TVP23C: variants seen among roughly 807,000 people sequenced by gnomAD.
TVP23C encodes trans-golgi network vesicle protein 23 homolog C.
A neutral mutation model predicts 28.7 loss-of-function variants in TVP23C; 19 were observed. The ratio of observed to expected loss-of-function variants is 0.66; its 90% CI spans 0.46 to 0.97. The LOEUF is 0.97. TVP23C is among the 50% of genes least tolerant of loss of function. The pLI is 0.00. For synonymous variants in TVP23C, 68 were observed against 81.7 expected (o/e 0.83, Z 0.90); for missense variants, 186 against 241.3 (o/e 0.77, Z 1.52).
chr17:15,507,014 G>A (rs181375082), intron 5 of TVP23C: 3 of 1,305,158 alleles, frequency 2.3e-6, no homozygotes, highest in East Asian at 5.2e-5. Flanking sequence ...GGTTATAAGG[G>A]TTCCTGCTTT....
chr17:15,540,358 G>A lies in TVP23C; in HGVS notation c.*54C>T. 1 of 1,478,102 alleles carries A rather than the reference G, an allele frequency of 6.8e-7. No homozygotes were observed. The highest frequency in any genetic ancestry group is 1.3e-5 in the South Asian group (1 of 76,450). 91.6% of individuals were successfully genotyped at this position (1,478,102 alleles called of 1,614,324 possible). A position where few individuals can be genotyped will look rare whatever the true frequency, so the allele number is the denominator to read the frequency against. On this transcript the variant is annotated 3_prime_UTR_variant, in exon 6 of 6. Coordinates refer to ENST00000518321, the MANE Select transcript of TVP23C (RefSeq NM_001135036.2). ...ATGCCTTTAAAACTTCTGTTCAGGA[G>A]CGTTTCATAAAAATTAAACTATGAA...
At position 15,538,408 on chromosome 17, in the gene TVP23C, G is replaced by C. The variant is rs1301537938; in HGVS notation, c.*2004C>G. On this transcript the variant is annotated 3_prime_UTR_variant, in exon 6 of 6. Transcript: ENST00000518321. Reference sequence around the variant, plus strand: ...GATCGAGACCCTCCTGGCTAACACAGTGAAACCCCGTCTCTACTAAAAATA... The same window carrying C: ...GATCGAGACCCTCCTGGCTAACACACTGAAACCCCGTCTCTACTAAAAATA... 1 of 775,690 alleles carries C rather than the reference G, an allele frequency of 1.3e-6. No individual in the cohort carries two copies. The highest frequency in any genetic ancestry group is 1.6e-6 in the Non-Finnish European group (1 of 639,228). The allele number at this position is 775,690 out of a possible 1,614,324, so 48.1% of individuals were successfully genotyped here. A position where few individuals can be genotyped will look rare whatever the true frequency, so the allele number is the denominator to read the frequency against.
chr17:15,534,772 T>C (rs1162865861), downstream of TVP23C, among the ~76,000 whole-genome samples: 1 of 151,420 alleles, frequency 6.6e-6, no homozygotes, highest in Non-Finnish European at 1.5e-5. Context: ...AGTTCAAGAC[T>C]AGCCTGACCA....
intron 5 of TVP23C, among the ~76,000 whole-genome samples, chr17:15,542,635 C>T (rs1488702436): frequency 3.9e-5 from 6 of 151,964 alleles, no homozygotes; most frequent in African/African-American, 1.5e-4. Flanking sequence ...TGCCACCACA[C>T]CCGGCTAATT....
At chr17:15,506,640 G>A (rs1248878914) in intron 5 of TVP23C, among the ~76,000 whole-genome samples, 1 of 152,138 alleles carries the variant, frequency 6.6e-6, no homozygotes, top group Non-Finnish European at 1.5e-5. Context: ...TTGGGTCCAC[G>A]CTGCTTTTAT....
intron 4 of TVP23C, among the ~76,000 whole-genome samples, 175 bp downstream of exon 4, chr17:15,546,884 T>C (rs961484862): frequency 6.6e-6 from 1 of 151,888 alleles, no homozygotes; most frequent in African/African-American, 2.4e-5. Context: ...TTGTTTCTGG[T>C]CTGAACTAGA....
intron 3 of TVP23C, among the ~76,000 whole-genome samples, chr17:15,550,208 G>GT (rs1983828029): frequency 6.6e-6 from 1 of 152,150 alleles, no homozygotes; most frequent in Non-Finnish European, 1.5e-5. Flanking sequence ...TATTCAGAAA[G>GT]TTTAACTGTA....
intron 5 of TVP23C, among the ~76,000 whole-genome samples, chr17:15,505,696 G>C (rs1481433987): frequency 6.6e-6 from 1 of 152,218 alleles, no homozygotes; most frequent in Non-Finnish European, 1.5e-5. Context: ...GAGGTGTGGA[G>C]GGAGAGGGGC....
At chr17:15,535,149 A>G (rs568481535), downstream of TVP23C, among the ~76,000 whole-genome samples, 1 of 151,362 alleles carries the variant, frequency 6.6e-6, no homozygotes, top group African/African-American at 2.4e-5. Flanking sequence ...TCTAAAGACT[A>G]TCTCCCATCC....
chr17:15,516,908 G>A (rs1567632217), intron 5 of TVP23C, among the ~76,000 whole-genome samples: 1 of 152,136 alleles, frequency 6.6e-6, no homozygotes, highest in Non-Finnish European at 1.5e-5. Context: ...CTTCAGCAGG[G>A]CATCCCACAG....
chr17:15,504,036 C>G lies in TVP23C; in HGVS notation c.463-804G>C, dbSNP rs140590281. Among the ~76,000 whole-genome samples the G allele has an allele frequency of 1.7e-3, 259 of 152,236 alleles. 1 individual carries two copies. Among genetic ancestry groups the G allele is most frequent in the African/African-American group, 6.0e-3 (251 of 41,540 alleles). On this transcript the variant is annotated intron_variant, in intron 5 of 5. Coordinates refer to the TVP23C transcript ENST00000225576. The stretch of plus-strand genomic sequence containing the variant: ...TCAGGGACACTCAGAAAAAAGAGCC[C>G]AGTCTCCTGAGAGCAAGCATGCAGC...
chr17:15,540,482 T>C lies in TVP23C; in HGVS notation c.542A>G (p.His181Arg), dbSNP rs772476636. ...ATATGAAGTAGCCATGCTGGTTAAATGCTTTCTGCTGCGCACCTTACACCT... is the reference window on the plus strand; with the variant it reads ...ATATGAAGTAGCCATGCTGGTTAAACGCTTTCTGCTGCGCACCTTACACCT... ...YIRCKVRSRKHLTSMATSYFG... is the reference protein window; with the variant it reads ...YIRCKVRSRKRLTSMATSYFG... Residue 181 changes from histidine to arginine, a missense_variant, in exon 6 of 6, where the codon CAT becomes CGT. By Grantham distance (29) the His-to-Arg change is conservative (BLOSUM62 0). Coordinates refer to ENST00000518321, the MANE Select transcript of TVP23C (RefSeq NM_001135036.2). 9 of 1,609,046 alleles carry C rather than the reference T, an allele frequency of 5.6e-6. No homozygotes were observed. The Admixed American group carries it at 1.2e-4, about 21-fold the overall frequency.
At chr17:15,511,608 C>T (rs1219351685) in intron 5 of TVP23C, among the ~76,000 whole-genome samples, 1 of 152,084 alleles carries the variant, frequency 6.6e-6, no homozygotes, top group Admixed American at 6.5e-5. Context: ...TAATTGGTTC[C>T]ATTTTCCCAG....
At chr17:15,506,094 A>AGGCAGCTCCACC (rs1418734367) in intron 5 of TVP23C, among the ~76,000 whole-genome samples, 4 of 152,246 alleles carry the variant, frequency 2.6e-5, no homozygotes, top group African/African-American at 9.6e-5. Flanking sequence ...CAGGACTGGC[A>AGGCAGCTCCACC]GGCAGCTCCA....
At chr17:15,517,762 C>T (rs1431142499) in intron 5 of TVP23C, among the ~76,000 whole-genome samples, 2 of 152,170 alleles carry the variant, frequency 1.3e-5, no homozygotes, top group Non-Finnish European at 2.9e-5. Context: ...AAGTAACATC[C>T]AGATGACTAC....
intron 1 of TVP23C, 49 bp downstream of exon 1, chr17:15,563,388 A>T (rs1474751697): frequency 5.1e-6 from 8 of 1,571,582 alleles, no homozygotes; most frequent in Middle Eastern, 2.3e-4. Flanking sequence ...GAACCTGCAG[A>T]GCCAGTCCCA....
intron 5 of TVP23C, among the ~76,000 whole-genome samples, chr17:15,512,471 A>G (rs1016522961): frequency 2.0e-5 from 3 of 152,162 alleles, no homozygotes; most frequent in Non-Finnish European, 2.9e-5. Context: ...GAATTCACCA[A>G]TACCAGTAAC....
downstream of TVP23C, among the ~76,000 whole-genome samples, chr17:15,535,700 C>A (rs1983125500): frequency 6.6e-6 from 1 of 152,202 alleles, no homozygotes; most frequent in Non-Finnish European, 1.5e-5. Context: ...TATGTATTTA[C>A]TAAATTATTA....
At chr17:15,533,136 C>A (rs2150843492), downstream of TVP23C, among the ~76,000 whole-genome samples, 1 of 152,240 alleles carries the variant, frequency 6.6e-6, no homozygotes, top group African/African-American at 2.4e-5. Context: ...TTTTATTATT[C>A]TAAAACACAA....
Sources: allele counts gnomAD v4.1 joint callset (sites outside exome capture counted in the v4.1 genomes callset), GRCh38; gene constraint gnomAD v4.1.1; transcripts MANE v1.5; gene names NCBI Gene and HGNC (gene_info 2026-07-23, HGNC 2026-07-21).